Variants in LARGE1 observed in about 807,000 individuals in gnomAD.
LARGE1 encodes the protein xylosyl- and glucuronyltransferase LARGE1.
A neutral mutation model predicts 87.6 loss-of-function variants in LARGE1; 43 were observed. The ratio of observed to expected loss-of-function variants is 0.49; its 90% CI spans 0.38 to 0.63. The LOEUF (loss-of-function observed/expected upper bound fraction) is 0.63. Ranked by LOEUF, LARGE1 falls within the 30% of genes least tolerant of loss-of-function variation. LARGE1 has a pLI of 0.00. For missense variants in LARGE1, 802 were observed against 1,000.2 expected (o/e 0.80, Z 2.67); for synonymous variants, 434 against 394.6 (o/e 1.10, Z -1.18).
intron 6 of LARGE1, among the ~76,000 whole-genome samples, chr22:33,541,083 A>AGGGGGGGGGGGG (rs1167300904): frequency 1.7e-5 from 1 of 59,116 alleles, no homozygotes; most frequent in African/African-American, 6.0e-5. Context: ...GGCGGGTTGC[A>AGGGGGGGGGGGG]GGGGGAGAAT....
chr22:33,525,193 C>G (rs2071822967), intron 6 of LARGE1, among the ~76,000 whole-genome samples: 1 of 152,130 alleles, frequency 6.6e-6, no homozygotes, highest in Non-Finnish European at 1.5e-5. Context: ...CCACAGAGAA[C>G]AGAGGGTCCC....
At chr22:33,770,586 G>A (rs2085036483) in intron 1 of LARGE1, among the ~76,000 whole-genome samples, 1 of 152,142 alleles carries the variant, frequency 6.6e-6, no homozygotes, top group African/African-American at 2.4e-5. Context: ...TCCGGAGGCT[G>A]AGGGAGGATG....
intron 6 of LARGE1, among the ~76,000 whole-genome samples, chr22:33,513,811 G>GCACACA: frequency 1.5e-5 from 1 of 65,738 alleles, no homozygotes; most frequent in South Asian, 5.0e-4. Context: ...AAGAGCTGAT[G>GCACACA]TACACACACA....
chr22:33,794,091 G>C (rs560294023), intron 1 of LARGE1, among the ~76,000 whole-genome samples: 1 of 152,232 alleles, frequency 6.6e-6, no homozygotes, highest in East Asian at 1.9e-4. Flanking sequence ...TATGCTAGAT[G>C]GGATGCCCAA....
chr22:33,120,402 CTTT>C, the LARGE1 span, among the ~76,000 whole-genome samples: 3 of 92,624 alleles, frequency 3.2e-5, no homozygotes, highest in East Asian at 7.4e-4. Context: ...TTCTTTCTTT[CTTT>C]CTTTCCTTCT....
At chr22:33,810,249 A>T (rs2146164453) in intron 1 of LARGE1, among the ~76,000 whole-genome samples, 1 of 152,340 alleles carries the variant, frequency 6.6e-6, no homozygotes, top group South Asian at 2.1e-4. Flanking sequence ...TACACTGACC[A>T]AGATCATATA....
At chr22:33,309,137 T>C (rs929977772) in intron 11 of LARGE1, among the ~76,000 whole-genome samples, 2 of 151,258 alleles carry the variant, frequency 1.3e-5, no homozygotes, top group African/African-American at 2.4e-5. Flanking sequence ...GATTAGGTCA[T>C]GAGGGTGGAA....
At chr22:33,610,710 G>T (rs753850570) in intron 4 of LARGE1, among the ~76,000 whole-genome samples, 1 of 152,098 alleles carries the variant, frequency 6.6e-6, no homozygotes, top group Non-Finnish European at 1.5e-5. Flanking sequence ...GGCCAGGTAC[G>T]ACAGCCAAGA....
chr22:33,466,148 T>C (rs1302500128), intron 6 of LARGE1, among the ~76,000 whole-genome samples: 2 of 152,192 alleles, frequency 1.3e-5, no homozygotes, highest in Non-Finnish European at 2.9e-5. Context: ...CCACCAGCTC[T>C]GCCCTGTCTC....
chr22:33,463,270 A>C (rs1368358219), intron 6 of LARGE1, among the ~76,000 whole-genome samples: 2 of 151,954 alleles, frequency 1.3e-5, no homozygotes, highest in Non-Finnish European at 2.9e-5. Context: ...AAATAAAAAG[A>C]GGGAAGAAGA....
intron 1 of LARGE1, among the ~76,000 whole-genome samples, chr22:33,799,546 T>C (rs2086094104): frequency 6.6e-6 from 1 of 152,152 alleles, no homozygotes; most frequent in African/African-American, 2.4e-5. Context: ...GTTCAAGCGA[T>C]TCTCCTGCCT....
the LARGE1 span, among the ~76,000 whole-genome samples, chr22:33,118,777 C>T: frequency 6.6e-6 from 1 of 152,136 alleles, no homozygotes; most frequent in Non-Finnish European, 1.5e-5. Flanking sequence ...CTGATAATGA[C>T]CTTTCTATTT....
intron 2 of LARGE1, among the ~76,000 whole-genome samples, chr22:33,728,812 C>T (rs1246299484): frequency 6.6e-6 from 1 of 152,194 alleles, no homozygotes; most frequent in Non-Finnish European, 1.5e-5. Context: ...TACAAACACA[C>T]GGTTACGGAT....
intron 1 of LARGE1, among the ~76,000 whole-genome samples, chr22:33,832,847 T>G (rs1206998260): frequency 6.6e-6 from 1 of 152,246 alleles, no homozygotes; most frequent in Non-Finnish European, 1.5e-5. Flanking sequence ...ATGTCCAGTA[T>G]ACAGTAAGCA....
In LARGE1 at chr22:33,478,969, C is replaced by T. The variant is rs79717022; in HGVS notation, c.788-46704G>A. Among the ~76,000 whole-genome samples, 476 of 152,298 alleles carry T rather than the reference C, an allele frequency of 3.1e-3. 3 individuals are homozygous for T. Among genetic ancestry groups the T allele is most frequent in the South Asian group, 0.021 (100 of 4,818 alleles). On this transcript the variant is annotated intron_variant, in intron 6 of 14. Coordinates refer to ENST00000397394, the MANE Select transcript of LARGE1 (RefSeq NM_133642.5). The stretch of plus-strand genomic sequence containing the variant: ...AGCAGGTGGCTCAACATGTAGTTGA[C>T]ACCAAGGATTTTTACTGTACAACAG...
intron 6 of LARGE1, among the ~76,000 whole-genome samples, chr22:33,466,693 T>TCTAC (rs1555925562): frequency 8.6e-4 from 125 of 145,336 alleles, no homozygotes; most frequent in African/African-American, 3.1e-3. Flanking sequence ...TCTCTCTCTC[T>TCTAC]ACACACACAC....
rs147874327 is a variant in LARGE1, at chr22:33,441,827, T to C, written c.788-9562A>G. ...TGGTATCTATTTCATAGGGCTTCAC[T>C]GGGACTCTTAATCAGGTTTGGGGAG... On this transcript the variant is annotated intron_variant, in intron 6 of 14. Coordinates refer to ENST00000397394, the MANE Select transcript of LARGE1 (RefSeq NM_133642.5). 3.2e-3 allele frequency among the ~76,000 whole-genome samples: 492 copies of C among 152,358 alleles called. 3 individuals are homozygous for C. The highest frequency in any genetic ancestry group is 0.011 in the African/African-American group (463 of 41,590).
intron 2 of LARGE1, among the ~76,000 whole-genome samples, chr22:33,735,197 A>G (rs1160921343): frequency 6.6e-6 from 1 of 152,208 alleles, no homozygotes; most frequent in Non-Finnish European, 1.5e-5. Context: ...CACTGGAGGA[A>G]TCTGCTTAAC....
chr22:33,142,862 G>A, the LARGE1 span, among the ~76,000 whole-genome samples: 1 of 152,174 alleles, frequency 6.6e-6, no homozygotes. Flanking sequence ...CACATGTGAG[G>A]ATGTCAGTAG....
Sources: gnomAD v4.1 joint callset for allele counts (sites outside exome capture counted in the v4.1 genomes callset) on GRCh38, gnomAD v4.1.1 for gene constraint, MANE v1.5 for transcripts, NCBI Gene and HGNC (gene_info 2026-07-23, HGNC 2026-07-21) for gene names.